The following PPP6R3 variants were observed in gnomAD, a reference collection of about 807,000 sequenced individuals.
The protein encoded by PPP6R3 is protein phosphatase 6 regulatory subunit 3.
A neutral mutation model predicts 110.7 loss-of-function variants in PPP6R3; 38 were observed. The ratio of observed to expected loss-of-function variants is 0.34; its 90% confidence interval spans 0.26 to 0.45. PPP6R3 has a LOEUF of 0.45. PPP6R3 is among the 20% of genes least tolerant of loss of function. PPP6R3 has a pLI of 1.00. For synonymous variants in PPP6R3, 369 were observed against 373.5 expected (o/e 0.99, Z 0.14); for missense variants, 870 against 1,062.4 (o/e 0.82, Z 2.52).
rs1351212162 is a variant in PPP6R3, at chr11:68,506,774, A to G, written c.-157-12727A>G. 1.2e-4 allele frequency among the ~76,000 whole-genome samples: 18 copies of G among 152,332 alleles called. No individual in the cohort carries two copies. The East Asian group carries it at 3.5e-3, about 29-fold the overall frequency. On this transcript the variant is annotated intron_variant, in intron 1 of 23. Coordinates refer to ENST00000393800, the MANE Select transcript of PPP6R3 (RefSeq NM_001164161.2). ...AATCTTTGTACACTTATCTCAGATA[A>G]TAACCATTTGATTGCCAAGATTCCA...
In PPP6R3 at chr11:68,540,132, T is replaced by A. The variant is rs140734428; in HGVS notation, c.227+2241T>A. 7.0e-3 allele frequency among the ~76,000 whole-genome samples: 1,072 copies of A among 152,308 alleles called. 3 individuals are homozygous for A. The highest frequency in any genetic ancestry group is 0.014 in the Middle Eastern group (4 of 294). Reference sequence around the variant, plus strand: ...GCCTGGTAGGCTCAGCCAGGATGCTTGCTATACTTGGGATGAGATGGGAAG... The same window carrying A: ...GCCTGGTAGGCTCAGCCAGGATGCTAGCTATACTTGGGATGAGATGGGAAG... On this transcript the variant is annotated intron_variant, in intron 3 of 23. Transcript: ENST00000393800.
Position 68,613,208 on chromosome 11 carries a change from C to A in PPP6R3, c.*91C>A. ...TCAGCTGGAGCCCACCAAGCTGTCA[C>A]TGCTGCACTCACTCTGCAAGGGATC... On this transcript the variant is annotated 3_prime_UTR_variant, in exon 24 of 24. Transcript: ENST00000393800. The A allele has an allele frequency of 6.4e-7, 1 of 1,560,530 alleles. No individual in the cohort carries two copies. Among genetic ancestry groups the A allele is most frequent in the Non-Finnish European group, 8.7e-7 (1 of 1,154,842 alleles).
At chr11:68,610,778 T>G (rs1278898120) in intron 23 of PPP6R3, among the ~76,000 whole-genome samples, 1 of 152,166 alleles carries the variant, frequency 6.6e-6, no homozygotes, top group African/African-American at 2.4e-5. Flanking sequence ...GTAGCTAAGA[T>G]TGTATATTCC....
chr11:68,574,304 C>A, intron 13 of PPP6R3, 80 bp downstream of exon 13: 1 of 1,074,002 alleles, frequency 9.3e-7, no homozygotes, highest in Non-Finnish European at 1.4e-6. Context: ...ATGCATGTAG[C>A]ATTTTTAATA....
chr11:68,595,215 T>A lies in PPP6R3; in HGVS notation c.1917-882T>A, dbSNP rs1269289386. Among the ~76,000 whole-genome samples the A allele has an allele frequency of 3.4e-5, 4 of 118,376 alleles. 1 individual carries two copies. The highest frequency in any genetic ancestry group is 1.5e-4 in the Admixed American group (2 of 13,136). 77.7% of individuals were successfully genotyped at this position (118,376 alleles called of 152,430 possible). ...CATAAAAATAATTTTTTTTTTTTTT[T>A]TTTTTTTTTTTTTTTTGGAGACGGA... On this transcript the variant is annotated intron_variant, in intron 18 of 23. Transcript: ENST00000393800.
In PPP6R3 at chr11:68,591,606, A is replaced by C. The variant is rs2099595623; in HGVS notation, c.1816A>C (p.Lys606Gln). 6.2e-7 allele frequency: 1 copy of C among 1,609,260 alleles called. No individual in the cohort carries two copies. Among genetic ancestry groups the C allele is most frequent in the African/African-American group, 1.3e-5 (1 of 74,888 alleles). Residue 606 changes from lysine (K) to glutamine (Q), a missense_variant, in exon 18 of 24, where the codon AAG (lysine) becomes CAG (glutamine). Physicochemically the swap from Lys to Gln is moderately conservative, Grantham distance 53. Transcript: ENST00000393800. ...TATTGCCTTGTTTGAAGCATGTTGT[A>C]AGGAAAGAATACAACAGTTTGATGA... ...GNIALFEACC[K>Q]ERIQQFDDGG...
Position 68,596,176 on chromosome 11 carries a change from A to G in PPP6R3, c.1996A>G (p.Ser666Gly), listed in dbSNP as rs748321501. The change falls in exon 19 of 24, where the codon AGT becomes GGT. Residue 666 changes from serine to glycine, a missense_variant. Ser to Gly is a moderately conservative substitution (Grantham distance 56, BLOSUM62 0). Coordinates refer to ENST00000393800, the MANE Select transcript of PPP6R3 (RefSeq NM_001164161.2). ...AAAGCAAGACTTGTTTGAACCCAGC[A>G]GTGCCAACACGGAGGATAAAATGGA... ...GAKQDLFEPS[S>G]ANTEDKMEVD... 6.2e-7 allele frequency: 1 copy of G among 1,614,266 alleles called. No homozygotes were observed. Among genetic ancestry groups the G allele is most frequent in the Non-Finnish European group, 8.5e-7 (1 of 1,180,024 alleles).
At chr11:68,588,945 A>G (rs2099587293) in intron 16 of PPP6R3, among the ~76,000 whole-genome samples, 1 of 151,788 alleles carries the variant, frequency 6.6e-6, no homozygotes, top group Non-Finnish European at 1.5e-5. Flanking sequence ...AGTGGCTCAC[A>G]CCTATAATCC....
intron 1 of PPP6R3, among the ~76,000 whole-genome samples, chr11:68,508,630 G>A (rs892978380): frequency 6.6e-6 from 1 of 152,172 alleles, no homozygotes; most frequent in Non-Finnish European, 1.5e-5. Context: ...CTTAGATGCT[G>A]TTTAGTTGAG....
chr11:68,555,168 C>G (rs890708531), intron 7 of PPP6R3, among the ~76,000 whole-genome samples: 2 of 152,150 alleles, frequency 1.3e-5, no homozygotes, highest in Admixed American at 1.3e-4. Context: ...AGTAGCAAAA[C>G]TACAAAAGAT....
chr11:68,583,762 G>A (rs940066243), intron 15 of PPP6R3, among the ~76,000 whole-genome samples: 6 of 152,194 alleles, frequency 3.9e-5, no homozygotes, highest in Non-Finnish European at 8.8e-5. Context: ...CTAGGTATGG[G>A]AGTGAAAAAC....
intron 1 of PPP6R3, among the ~76,000 whole-genome samples, chr11:68,486,707 TC>T (rs1350893498): frequency 1.3e-5 from 2 of 152,082 alleles, no homozygotes; most frequent in Non-Finnish European, 2.9e-5. Flanking sequence ...TCAGTAGAAT[TC>T]ACCAGTGAAC....
chr11:68,545,516 C>T (rs1265731647), intron 4 of PPP6R3, among the ~76,000 whole-genome samples: 1 of 152,226 alleles, frequency 6.6e-6, no homozygotes, highest in Non-Finnish European at 1.5e-5. Context: ...AGGCTTGAGA[C>T]ATCTGAGTGT....
chr11:68,549,919 A>G (rs931976450), intron 5 of PPP6R3, among the ~76,000 whole-genome samples: 1 of 152,214 alleles, frequency 6.6e-6, no homozygotes, highest in Non-Finnish European at 1.5e-5. Flanking sequence ...GTGCCTGTGA[A>G]TAGCTGTGGA....
Position 68,482,712 on chromosome 11 carries a change from A to G in PPP6R3, c.-158+21885A>G, listed in dbSNP as rs1290845204. Among the ~76,000 whole-genome samples, 6 of 152,202 alleles carry G rather than the reference A, an allele frequency of 3.9e-5. No individual in the cohort carries two copies. In the East Asian group the frequency reaches 1.2e-3, roughly 29 times the overall value. ...ATATGTGATATTTATTTTGAAAAAA[A>G]TTATAGAGAAGGCTAAAATCCATTC... On this transcript the variant is annotated intron_variant, in intron 1 of 23. Transcript: ENST00000393800.
intron 20 of PPP6R3, among the ~76,000 whole-genome samples, chr11:68,601,196 A>T: frequency 6.6e-6 from 1 of 152,214 alleles, no homozygotes; most frequent in Non-Finnish European, 1.5e-5. Flanking sequence ...TACAGGACAT[A>T]CATTTCCGCC....
chr11:68,550,306 C>T (rs1353880674), intron 5 of PPP6R3, among the ~76,000 whole-genome samples: 1 of 152,044 alleles, frequency 6.6e-6, no homozygotes, highest in Non-Finnish European at 1.5e-5. Context: ...CTTCTCTGTT[C>T]CTTAAGCAAA....
chr11:68,599,456 G>A (rs2099624005), intron 19 of PPP6R3, among the ~76,000 whole-genome samples: 1 of 152,332 alleles, frequency 6.6e-6, no homozygotes, highest in Non-Finnish European at 1.5e-5. Context: ...AAGTCCTGCC[G>A]CTTCAGCCTC....
chr11:68,488,534 T>A (rs578202722), intron 1 of PPP6R3: 1 of 152,212 alleles, frequency 6.6e-6, no homozygotes, highest in South Asian at 2.1e-4. Context: ...TTATTTTTGG[T>A]TTTTGTATTT....
Sources: allele counts gnomAD v4.1 joint callset (sites outside exome capture counted in the v4.1 genomes callset), GRCh38; gene constraint gnomAD v4.1.1; transcripts MANE v1.5; gene names NCBI Gene and HGNC (gene_info 2026-07-23, HGNC 2026-07-21).